Variants in TRAK1 observed in about 807,000 individuals in gnomAD.
TRAK1 encodes the protein trafficking kinesin protein 1.
A neutral mutation model predicts 92.1 loss-of-function variants in TRAK1; 33 were observed. That is an observed-to-expected ratio of 0.36 (90% CI 0.27 to 0.48). The LOEUF (loss-of-function observed/expected upper bound fraction) is 0.48. Ranked by LOEUF, TRAK1 falls within the 20% of genes least tolerant of loss-of-function variation. TRAK1 has a pLI of 0.99. For missense variants in TRAK1, 1,123 were observed against 1,257.9 expected (o/e 0.89, Z 1.62); for synonymous variants, 521 against 517.3 (o/e 1.01, Z -0.10).
intron 1 of TRAK1, among the ~76,000 whole-genome samples, chr3:42,014,357 C>T (rs903481395): frequency 2.0e-5 from 3 of 152,162 alleles, no homozygotes; most frequent in African/African-American, 4.8e-5. Flanking sequence ...TTCCGCGCTC[C>T]GGCACTCCGA....
At chr3:42,179,669 A>C (rs1319495350) in intron 3 of TRAK1, among the ~76,000 whole-genome samples, 4 of 152,164 alleles carry the variant, frequency 2.6e-5, no homozygotes, top group African/African-American at 9.7e-5. Flanking sequence ...TCATTGGTAA[A>C]AAGGGGCTGA....
intron 1 of TRAK1, among the ~76,000 whole-genome samples, chr3:42,062,800 C>G (rs1703504845): frequency 6.6e-6 from 1 of 152,180 alleles, no homozygotes; most frequent in South Asian, 2.1e-4. Context: ...GCCTGACACT[C>G]CCTTGTGTCC....
At chr3:42,108,949 GAGAA>G (rs1707967613) in intron 1 of TRAK1, among the ~76,000 whole-genome samples, 1 of 152,158 alleles carries the variant, frequency 6.6e-6, no homozygotes, top group African/African-American at 2.4e-5. Context: ...AGAAAATTTA[GAGAA>G]AGAAGAGTTA....
chr3:42,119,794 C>T (rs563438720), intron 1 of TRAK1, among the ~76,000 whole-genome samples: 63 of 152,292 alleles, frequency 4.1e-4, no homozygotes, highest in African/African-American at 1.5e-3. Context: ...GCCGTGGGCC[C>T]AGCCACATCT....
chr3:42,117,811 T>C (rs1709354092), intron 1 of TRAK1, among the ~76,000 whole-genome samples: 2 of 129,318 alleles, frequency 1.5e-5, no homozygotes, highest in African/African-American at 2.8e-5. Flanking sequence ...CACATATCTG[T>C]ATTTCTTCTT....
chr3:42,213,054 A>ATTTTTTT (rs34073573), intron 14 of TRAK1, among the ~76,000 whole-genome samples: 1 of 113,070 alleles, frequency 8.8e-6, no homozygotes, highest in Non-Finnish European at 1.7e-5. Flanking sequence ...TGGAGCTGAG[A>ATTTTTTT]TTTTTTTTTT....
intron 1 of TRAK1, among the ~76,000 whole-genome samples, chr3:42,102,217 C>T (rs1706866804): frequency 6.6e-6 from 1 of 152,254 alleles, no homozygotes; most frequent in Non-Finnish European, 1.5e-5. Context: ...AACTCCTGAC[C>T]TCCAGTGATC....
At chr3:42,207,193 G>A (rs577453137) in intron 13 of TRAK1, among the ~76,000 whole-genome samples, 1 of 152,318 alleles carries the variant, frequency 6.6e-6, no homozygotes, top group South Asian at 2.1e-4. Context: ...GAACATGGCA[G>A]TACAGTGGCT....
intron 1 of TRAK1, among the ~76,000 whole-genome samples, chr3:42,106,496 G>A (rs1326019068): frequency 6.6e-6 from 1 of 152,196 alleles, no homozygotes; most frequent in East Asian, 1.9e-4. Context: ...GGGCAACATA[G>A]TGAGACCTCT....
chr3:42,183,760 C>A (rs2149390789), intron 3 of TRAK1, among the ~76,000 whole-genome samples: 1 of 152,242 alleles, frequency 6.6e-6, no homozygotes, highest in Non-Finnish European at 1.5e-5. Flanking sequence ...TTAGCATAGA[C>A]TTCTAAAATG....
chr3:42,020,396 G>A (rs1264386589), intron 1 of TRAK1, among the ~76,000 whole-genome samples: 2 of 152,296 alleles, frequency 1.3e-5, no homozygotes, highest in Non-Finnish European at 2.9e-5. Flanking sequence ...TGTAAATTGA[G>A]TCATATAGTG....
rs754524321 is a variant in TRAK1 at position 42,193,847 on chromosome 3, T to C, written c.924T>C (p.Leu308=). ...AKACAVENEE[L]VQHLGAAKDA... ...AGTGCGCAGTGGAAAATGAAGAACT[T>C]GTCCAGCATCTGGGGGCTGCTAAGG... is the stretch of plus-strand genomic sequence containing the variant. The change falls in exon 9 of 16, where the codon CTT becomes CTC. Residue 308 remains leucine, a synonymous_variant. Transcript: ENST00000327628. The C allele has an allele frequency of 1.9e-6, 3 of 1,614,064 alleles. No homozygotes were observed. The African/African-American group carries it at 4.0e-5, about 22-fold the overall frequency.
chr3:42,083,875 AAAAT>A (rs200418700), upstream of TRAK1, among the ~76,000 whole-genome samples: 104 of 152,082 alleles, frequency 6.8e-4, no homozygotes, highest in African/African-American at 2.4e-3. Flanking sequence ...TGTCTTTAAA[AAAAT>A]AAATAAATAA....
At chr3:42,146,154 T>G (rs1312889849) in intron 2 of TRAK1, 1 of 392,958 alleles carries the variant, frequency 2.5e-6, no homozygotes, top group East Asian at 6.8e-5. Context: ...TGCAAACCAT[T>G]TCATCTCAAC....
chr3:42,057,672 C>T (rs1468099717), intron 1 of TRAK1, among the ~76,000 whole-genome samples: 1 of 152,024 alleles, frequency 6.6e-6, no homozygotes, highest in African/African-American at 2.4e-5. Flanking sequence ...TGAGGAGAAC[C>T]TGCTGGAAGG....
chr3:42,017,174 T>C (rs905655481), intron 1 of TRAK1, among the ~76,000 whole-genome samples: 3 of 152,092 alleles, frequency 2.0e-5, no homozygotes. Context: ...GGTAGGAGAA[T>C]TGCTTGAACC....
chr3:42,047,817 CTG>C (rs1702816262), intron 1 of TRAK1, among the ~76,000 whole-genome samples: 3 of 151,948 alleles, frequency 2.0e-5, no homozygotes, highest in Admixed American at 1.3e-4. Context: ...AGAGAAACTT[CTG>C]TGTGTGTTAC....
chr3:42,187,407 G>T lies in TRAK1; in HGVS notation c.481-638G>T, dbSNP rs372424584. ...ACATGATCAATTTTTCTGGCTATTT[G>T]CCCAGCTGATCATCTGGCTATTTCC... On this transcript the variant is annotated intron_variant, in intron 4 of 15. Coordinates refer to ENST00000327628, the MANE Select transcript of TRAK1 (RefSeq NM_001042646.3). Among the ~76,000 whole-genome samples the T allele has an allele frequency of 1.5e-4, 23 of 152,238 alleles. No homozygotes were observed. In the East Asian group the frequency reaches 4.4e-3, roughly 29 times the overall value.
chr3:42,090,558 C>T (rs111787142), upstream of TRAK1, among the ~76,000 whole-genome samples: 4,160 of 152,228 alleles, frequency 0.027, 223 homozygotes, highest in African/African-American at 0.095. Context: ...TGGTGACGGA[C>T]GCCTGTAATC....
Sources: gnomAD v4.1 joint callset for allele counts (sites outside exome capture counted in the v4.1 genomes callset) on GRCh38, gnomAD v4.1.1 for gene constraint, MANE v1.5 for transcripts, NCBI Gene and HGNC (gene_info 2026-07-23, HGNC 2026-07-21) for gene names.